KCNJ6: variants seen among roughly 807,000 people sequenced by gnomAD.
KCNJ6 encodes the protein G protein-activated inward rectifier potassium channel 2.
Under a neutral mutation model 34.2 loss-of-function variants are expected in KCNJ6, and 9 were observed. The ratio of observed to expected loss-of-function variants is 0.26; its 90% confidence interval spans 0.16 to 0.46. The LOEUF (loss-of-function observed/expected upper bound fraction) is 0.46. Among genes scored for constraint, KCNJ6 ranks in the 20% least tolerant of loss-of-function variants. KCNJ6 has a pLI of 1.00. For synonymous variants in KCNJ6, 196 were observed against 207.1 expected, an observed-to-expected ratio of 0.95 and a Z score of 0.46; for missense variants, 236 against 531.3, an observed-to-expected ratio of 0.44 and a Z score of 5.46.
intron 3 of KCNJ6, among the ~76,000 whole-genome samples, chr21:37,708,799 A>T (rs1056730233): frequency 4.6e-5 from 7 of 152,200 alleles, no homozygotes; most frequent in Non-Finnish European, 1.5e-5. Context: ...GAGAAAAATA[A>T]GATTTGAAAA....
chr21:37,746,539 A>G lies in KCNJ6; in HGVS notation c.26-31408T>C, dbSNP rs73408743. On this transcript the variant is annotated intron_variant, in intron 2 of 3. Transcript: ENST00000609713. ...TCGTTTTTATCACCATTGTTAAGAT[A>G]GGGGAGAGGAGTTTCTGGAAAGTTC... 7.0e-3 allele frequency among the ~76,000 whole-genome samples: 1,071 copies of G among 152,298 alleles called. 8 individuals carry two copies. Among genetic ancestry groups the G allele is most frequent in the African/African-American group, 0.024 (1,011 of 41,560 alleles).
At chr21:37,847,345 G>A (rs1299709752) in intron 1 of KCNJ6, among the ~76,000 whole-genome samples, 2 of 152,126 alleles carry the variant, frequency 1.3e-5, no homozygotes, top group Non-Finnish European at 2.9e-5. Context: ...AGATCACACG[G>A]CTGGTGAGGA....
intron 1 of KCNJ6, among the ~76,000 whole-genome samples, chr21:37,846,473 G>C (rs957621494): frequency 6.6e-6 from 1 of 151,544 alleles, no homozygotes; most frequent in African/African-American, 2.4e-5. Context: ...AGGGTAGAAA[G>C]GGTTTTTTTC....
intron 3 of KCNJ6, among the ~76,000 whole-genome samples, chr21:37,653,735 A>G (rs1176613215): frequency 3.3e-5 from 5 of 152,164 alleles, no homozygotes; most frequent in Non-Finnish European, 5.9e-5. Context: ...TGAGCAAAGT[A>G]TTAGTTTAAT....
chr21:37,841,969 T>C (rs2055482952), intron 1 of KCNJ6, among the ~76,000 whole-genome samples: 1 of 152,212 alleles, frequency 6.6e-6, no homozygotes. Context: ...ATACTAAAAA[T>C]TCTGACATAT....
In KCNJ6 at chr21:37,859,487, TTATATATATATATATATATATATA is replaced by T. The variant is rs55859652; in HGVS notation, c.-27-18802_-27-18779del. On this transcript the variant is annotated intron_variant, in intron 1 of 3. Coordinates refer to ENST00000609713, the MANE Select transcript of KCNJ6 (RefSeq NM_002240.5). Reference sequence around the variant, plus strand: ...ATTTTAACTATGGGCTTATATTACTTTATATATATATATATATATATATATATATATATATATATATATAAAATA... The same window carrying T: ...ATTTTAACTATGGGCTTATATTACTTTATATATATATATATATATAAAATA... 8.3e-5 allele frequency among the ~76,000 whole-genome samples: 7 copies of T among 84,296 alleles called. No homozygotes were observed. The South Asian group carries it at 1.0e-3, about 12-fold the overall frequency. The allele number at this position is 84,296 out of a possible 152,430, so 55.3% of individuals were successfully genotyped here. A position where few individuals can be genotyped will look rare whatever the true frequency, so the allele number is the denominator to read the frequency against.
At chr21:37,845,934 G>A (rs182151404) in intron 1 of KCNJ6, among the ~76,000 whole-genome samples, 1 of 152,112 alleles carries the variant, frequency 6.6e-6, no homozygotes, top group East Asian at 1.9e-4. Flanking sequence ...AAGTCGTATT[G>A]TTGTACATTT....
At chr21:37,805,521 C>T (rs2055289449) in intron 2 of KCNJ6, among the ~76,000 whole-genome samples, 2 of 151,926 alleles carry the variant, frequency 1.3e-5, no homozygotes, top group Admixed American at 1.3e-4. Flanking sequence ...AATTTTATTT[C>T]TTTGCTCTCT....
chr21:37,873,994 C>A (rs551636179), intron 1 of KCNJ6, among the ~76,000 whole-genome samples: 2 of 152,294 alleles, frequency 1.3e-5, no homozygotes, highest in Admixed American at 1.3e-4. Context: ...CTTCTATCTC[C>A]ATTTCTCTGC....
chr21:37,714,134 G>C lies in KCNJ6; in HGVS notation c.946+77C>G. 1 of 1,020,364 alleles carries C rather than the reference G, an allele frequency of 9.8e-7. No individual in the cohort carries two copies. The highest frequency in any genetic ancestry group is 2.4e-5 in the East Asian group (1 of 42,092). 63.2% of individuals were successfully genotyped at this position (1,020,364 alleles called of 1,614,324 possible). A position where few individuals can be genotyped will look rare whatever the true frequency, so the allele number is the denominator to read the frequency against. On this transcript the variant is annotated intron_variant, in intron 3 of 3. Transcript: ENST00000609713. This position sits in a 1 kb window ranked among gnomAD's most constrained non-coding sequence, Gnocchi z 5.9. The stretch of plus-strand genomic sequence containing the variant: ...AGTGAGGTTCAGTATTCTAGATCTT[G>C]TAATAGATAAGAACATCAGGTCCAG...
intron 2 of KCNJ6, among the ~76,000 whole-genome samples, chr21:37,728,630 C>T (rs568017146): frequency 8.0e-4 from 122 of 151,960 alleles, no homozygotes; most frequent in Middle Eastern, 3.4e-3. Flanking sequence ...TTGATTCCTG[C>T]GATCTTGGAT....
intron 2 of KCNJ6, among the ~76,000 whole-genome samples, chr21:37,737,860 T>A (rs73206022): frequency 3.5e-3 from 532 of 152,324 alleles, no homozygotes; most frequent in Non-Finnish European, 6.0e-3. Context: ...GTAGAGTATA[T>A]TTTAAGGCCA....
At chr21:37,655,257 G>A (rs370978034) in intron 3 of KCNJ6, among the ~76,000 whole-genome samples, 33,853 of 135,282 alleles carry the variant, frequency 0.25, 5,481 homozygotes, top group Non-Finnish European at 0.31. Flanking sequence ...GAGAGAGAGA[G>A]AGAGAGAGAG....
At chr21:37,914,776 C>T (rs2055885074) in intron 1 of KCNJ6, among the ~76,000 whole-genome samples, 1 of 152,114 alleles carries the variant, frequency 6.6e-6, no homozygotes. Flanking sequence ...GAAAGGCAGG[C>T]AGGGAACAGG....
At position 37,728,700 on chromosome 21, in the gene KCNJ6, A is replaced by G. The variant is rs75186192; in HGVS notation, c.26-13569T>C. Among the ~76,000 whole-genome samples the G allele has an allele frequency of 1.2e-3, 131 of 109,536 alleles. 1 individual carries two copies. The highest frequency in any genetic ancestry group is 4.0e-3 in the South Asian group (14 of 3,520). 71.9% of individuals were successfully genotyped at this position (109,536 alleles called of 152,430 possible). ...TAGGTATGTGTGTGTGTGTGTGTGT[A>G]TATATATATATGTTTGAATTGCAAA... On this transcript the variant is annotated intron_variant, in intron 2 of 3. Coordinates refer to ENST00000609713, the MANE Select transcript of KCNJ6 (RefSeq NM_002240.5).
In KCNJ6 at chr21:37,637,411, A is replaced by G. The variant is rs571739903; in HGVS notation, c.947-11927T>C. On this transcript the variant is annotated intron_variant, in intron 3 of 3. Coordinates refer to ENST00000609713, the MANE Select transcript of KCNJ6 (RefSeq NM_002240.5). ...GAAGTGTGGATTTTTAAAAATGTCT[A>G]AAAAAGATCCTACATGTGTACTCCT... is the stretch of plus-strand genomic sequence containing the variant. Among the ~76,000 whole-genome samples, 17 of 152,328 alleles carry G rather than the reference A, an allele frequency of 1.1e-4. No individual in the cohort carries two copies. The South Asian group carries it at 1.9e-3, about 17-fold the overall frequency.
intron 2 of KCNJ6, among the ~76,000 whole-genome samples, chr21:37,802,658 A>G (rs1210369809): frequency 6.6e-6 from 1 of 152,218 alleles, no homozygotes; most frequent in Non-Finnish European, 1.5e-5. Flanking sequence ...TCTAACCACA[A>G]AAACTCAAAG....
intron 1 of KCNJ6, among the ~76,000 whole-genome samples, chr21:37,903,852 G>A (rs1331093401): frequency 1.3e-5 from 2 of 152,194 alleles, no homozygotes; most frequent in Non-Finnish European, 2.9e-5. Flanking sequence ...ATGAGGTTAT[G>A]ATTTTTCACC....
At chr21:37,717,428 T>C (rs1016958764) in intron 2 of KCNJ6, among the ~76,000 whole-genome samples, 57 of 150,852 alleles carry the variant, frequency 3.8e-4, no homozygotes, top group African/African-American at 1.3e-3. Context: ...GGAGATGGGG[T>C]GGGTGTATGG....
Sources: gnomAD v4.1 joint callset for allele counts (sites outside exome capture counted in the v4.1 genomes callset) on GRCh38, gnomAD v4.1.1 for gene constraint, Gnocchi (gnomAD v3.1) non-coding constraint, MANE v1.5 for transcripts, NCBI Gene and HGNC (gene_info 2026-07-23, HGNC 2026-07-21) for gene names.